Variants in CNOT7 observed in about 807,000 individuals in gnomAD.
CNOT7 encodes BTG1-binding factor 1.
Under a neutral mutation model 37.1 loss-of-function variants are expected in CNOT7, and 4 were observed. The observed-to-expected ratio is 0.11, with a 90% CI of 0.05 to 0.25. The LOEUF is 0.25. Ranked by LOEUF, CNOT7 falls within the 10% of genes least tolerant of loss-of-function variation. The pLI is 1.00. For missense variants in CNOT7, 170 were observed against 336.2 expected (o/e 0.51, Z 3.87); for synonymous variants, 128 against 115.6 (o/e 1.11, Z -0.69).
At position 17,229,427 on chromosome 8, in the gene CNOT7, G is replaced by A. The variant is rs1008887937; in HGVS notation, c.*1293C>T. 1 of 152,272 alleles carries A rather than the reference G, an allele frequency of 6.6e-6. No homozygotes were observed. The highest frequency in any genetic ancestry group is 2.4e-5 in the African/African-American group (1 of 41,380). The allele number at this position is 152,272 out of a possible 1,614,324, so 9.4% of individuals were successfully genotyped here. A position where few individuals can be genotyped will look rare whatever the true frequency, so the allele number is the denominator to read the frequency against. ...GCTAATATTACTGATTGAAGTGTAG[G>A]TAACACACATTATAACTTGTAGTCC... On this transcript the variant is annotated 3_prime_UTR_variant, in exon 7 of 7. Transcript: ENST00000361272.
chr8:17,237,056 G>T (rs1450028649), intron 4 of CNOT7, among the ~76,000 whole-genome samples, 156 bp downstream of exon 4: 1 of 152,108 alleles, frequency 6.6e-6, no homozygotes, highest in Non-Finnish European at 1.5e-5. Context: ...CCTTTAAGCA[G>T]ACCAACATTA....
intron 2 of CNOT7, 33 bp from the exon 3 acceptor site, chr8:17,243,218 A>T (rs753777889): frequency 1.3e-6 from 2 of 1,496,844 alleles, no homozygotes; most frequent in South Asian, 2.5e-5. Context: ...ATTATGTACT[A>T]AACAGTCAAA....
intron 5 of CNOT7, among the ~76,000 whole-genome samples, chr8:17,233,318 T>C (rs74372952): frequency 0.014 from 2,113 of 152,312 alleles, 40 homozygotes; most frequent in African/African-American, 0.048. Context: ...GCATCACAGC[T>C]TGAAACAAGG....
Position 17,230,651 on chromosome 8 carries a change from C to G in CNOT7, c.*69G>C, listed in dbSNP as rs1042457988. On this transcript the variant is annotated 3_prime_UTR_variant, in exon 7 of 7. Transcript: ENST00000361272. Reference sequence around the variant, plus strand: ...GGTACTGTCTATTGTTCGAGGGATTCAACCAGAGATAAAACCTATATACAA... The same window carrying G: ...GGTACTGTCTATTGTTCGAGGGATTGAACCAGAGATAAAACCTATATACAA... 4 of 1,375,624 alleles carry G rather than the reference C, an allele frequency of 2.9e-6. No individual in the cohort carries two copies. The highest frequency in any genetic ancestry group is 3.9e-6 in the Non-Finnish European group (4 of 1,022,912). 85.2% of individuals were successfully genotyped at this position (1,375,624 alleles called of 1,614,324 possible). A position where few individuals can be genotyped will look rare whatever the true frequency, so the allele number is the denominator to read the frequency against.
In CNOT7 at chr8:17,227,435, C is replaced by G. The variant is rs1239340568; in HGVS notation, c.*3285G>C. On this transcript the variant is annotated 3_prime_UTR_variant, in exon 7 of 7. Transcript: ENST00000361272. Reference sequence around the variant, plus strand: ...TGATGTTGTGTCCAAAATCCTCATTCTTCAAACTACTGTTCTCATCAAAGG... The same window carrying G: ...TGATGTTGTGTCCAAAATCCTCATTGTTCAAACTACTGTTCTCATCAAAGG... The G allele has an allele frequency of 6.6e-6, 1 of 151,868 alleles. No homozygotes were observed. Among genetic ancestry groups the G allele is most frequent in the Non-Finnish European group, 1.5e-5 (1 of 67,800 alleles). 9.4% of individuals were successfully genotyped at this position (151,868 alleles called of 1,614,324 possible).
In CNOT7 at chr8:17,227,429, C is replaced by G. The variant is rs920249779; in HGVS notation, c.*3291G>C. ...GTCATTTGATGTTGTGTCCAAAATC[C>G]TCATTCTTCAAACTACTGTTCTCAT... On this transcript the variant is annotated 3_prime_UTR_variant, in exon 7 of 7. Transcript: ENST00000361272. 6.6e-6 allele frequency: 1 copy of G among 151,820 alleles called. No homozygotes were observed. The highest frequency in any genetic ancestry group is 2.4e-5 in the African/African-American group (1 of 41,414). 9.4% of individuals were successfully genotyped at this position (151,820 alleles called of 1,614,324 possible).
At chr8:17,237,032 A>G (rs111890826) in intron 4 of CNOT7, among the ~76,000 whole-genome samples, 180 bp downstream of exon 4, 28 of 152,342 alleles carry the variant, frequency 1.8e-4, no homozygotes, top group African/African-American at 6.3e-4. Flanking sequence ...AATGGATCCC[A>G]TATTTTAAAT....
chr8:17,244,882 C>G, intron 2 of CNOT7, 154 bp downstream of exon 2: 1 of 633,692 alleles, frequency 1.6e-6, no homozygotes, highest in Non-Finnish European at 2.8e-6. Context: ...AGGTGTATTC[C>G]TGATGGATTT....
rs982013897 is a variant in CNOT7, at chr8:17,228,610, T to G, written c.*2110A>C. Reference sequence around the variant, plus strand: ...TTGGTCCTAAGGCGCTCCTAAACTTTTGATGGGGTTACCTCTCAATACACC... The same window carrying G: ...TTGGTCCTAAGGCGCTCCTAAACTTGTGATGGGGTTACCTCTCAATACACC... On this transcript the variant is annotated 3_prime_UTR_variant, in exon 7 of 7. Transcript: ENST00000361272. The G allele has an allele frequency of 1.3e-5, 2 of 151,948 alleles. No individual in the cohort carries two copies. The highest frequency in any genetic ancestry group is 4.8e-5 in the African/African-American group (2 of 41,426). 9.4% of individuals were successfully genotyped at this position (151,948 alleles called of 1,614,324 possible).
At chr8:17,244,804 T>G (rs1810671756) in intron 2 of CNOT7, 1 of 435,106 alleles carries the variant, frequency 2.3e-6, no homozygotes, top group African/African-American at 2.0e-5. Flanking sequence ...AAACGGCCCA[T>G]GGTTCCCATG....
At chr8:17,237,534 A>T (rs11775427) in intron 3 of CNOT7, 161 bp from the exon 4 acceptor site, 23,194 of 587,452 alleles carry the variant, frequency 0.039, 630 homozygotes, top group Non-Finnish European at 0.051. Context: ...AATGCAATTT[A>T]AATACAAAGG....
At chr8:17,239,498 G>A (rs1314612402) in intron 3 of CNOT7, among the ~76,000 whole-genome samples, 1 of 152,114 alleles carries the variant, frequency 6.6e-6, no homozygotes, top group Non-Finnish European at 1.5e-5. Flanking sequence ...ATCACCAAAA[G>A]TGATTTTTCT....
chr8:17,232,784 A>C (rs898554337), intron 5 of CNOT7, among the ~76,000 whole-genome samples: 4 of 152,212 alleles, frequency 2.6e-5, no homozygotes, highest in Non-Finnish European at 1.5e-5. Flanking sequence ...GTTTTAGGGC[A>C]TATGACAGGT....
chr8:17,245,910 G>C (rs1283320344), intron 1 of CNOT7: 1 of 151,664 alleles, frequency 6.6e-6, no homozygotes, highest in African/African-American at 2.4e-5. Flanking sequence ...TTGATTCTTG[G>C]GCAGGGAAAT....
chr8:17,241,228 T>C (rs2150999255), intron 3 of CNOT7: 1 of 152,028 alleles, frequency 6.6e-6, no homozygotes, highest in Middle Eastern at 3.4e-3. Context: ...CCTGTACCTG[T>C]AGTGCTAGGA....
At position 17,237,171 on chromosome 8, in the gene CNOT7, A is replaced by T. The variant is rs776449126; in HGVS notation, c.473+41T>A. On this transcript the variant is annotated intron_variant, in intron 4 of 6. Coordinates refer to ENST00000361272, the MANE Select transcript of CNOT7 (RefSeq NM_013354.7). Reference sequence around the variant, plus strand: ...CCCAAGTAAGTGTGGAGCAAGTATGAGATGGAAAAACAAATGCCATTTTCA... The same window carrying T: ...CCCAAGTAAGTGTGGAGCAAGTATGTGATGGAAAAACAAATGCCATTTTCA... The T allele has an allele frequency of 8.1e-6, 13 of 1,596,658 alleles. No homozygotes were observed. In the Admixed American group the frequency reaches 2.2e-4, roughly 27 times the overall value.
Position 17,225,129 on chromosome 8 carries a change from T to C in CNOT7, c.*5591A>G, listed in dbSNP as rs1808075593. 1 of 151,714 alleles carries C rather than the reference T, an allele frequency of 6.6e-6. No individual in the cohort carries two copies. The highest frequency in any genetic ancestry group is 1.5e-5 in the Non-Finnish European group (1 of 67,678). 9.4% of individuals were successfully genotyped at this position (151,714 alleles called of 1,614,324 possible). A position where few individuals can be genotyped will look rare whatever the true frequency, so the allele number is the denominator to read the frequency against. ...AAAACCTATGACATGGCTAGTAAGA[T>C]GTAAAATATTAAGTCCCCTTGGGGT... On this transcript the variant is annotated 3_prime_UTR_variant, in exon 7 of 7. Coordinates refer to ENST00000361272, the MANE Select transcript of CNOT7 (RefSeq NM_013354.7).
At chr8:17,239,512 T>C (rs571837045) in intron 3 of CNOT7, among the ~76,000 whole-genome samples, 1 of 152,342 alleles carries the variant, frequency 6.6e-6, no homozygotes, top group Non-Finnish European at 1.5e-5. Context: ...TTTTTCTTTT[T>C]TGAGACGGAG....
chr8:17,236,272 T>A (rs558832597), intron 4 of CNOT7, among the ~76,000 whole-genome samples: 94 of 152,308 alleles, frequency 6.2e-4, no homozygotes, highest in African/African-American at 1.6e-3. Context: ...TTAAGATACA[T>A]GTGTGAAGTG....
Sources: gnomAD v4.1 joint callset for allele counts (sites outside exome capture counted in the v4.1 genomes callset) on GRCh38, gnomAD v4.1.1 for gene constraint, MANE v1.5 for transcripts, NCBI Gene and HGNC (gene_info 2026-07-23, HGNC 2026-07-21) for gene names.